The following TUBA1C variants were observed in gnomAD, a reference collection of about 807,000 sequenced individuals.
TUBA1C encodes tubulin alpha 1c.
TUBA1C carries 16 observed loss-of-function variants against 34.9 expected under a neutral mutation model. That is an observed-to-expected ratio of 0.46 (90% CI 0.31 to 0.70). TUBA1C has a LOEUF of 0.70. TUBA1C is among the 30% of genes least tolerant of loss of function. The pLI, the probability that TUBA1C is intolerant of heterozygous loss-of-function variation, is 0.05. For missense variants in TUBA1C, 329 were observed against 587.3 expected (o/e 0.56, Z 4.55); for synonymous variants, 177 against 215.9 (o/e 0.82, Z 1.58).
chr12:49,271,240 G>C (rs1942988563), intron 3 of TUBA1C, among the ~76,000 whole-genome samples: 1 of 152,208 alleles, frequency 6.6e-6, no homozygotes, highest in Non-Finnish European at 1.5e-5. Flanking sequence ...TAAGGGAGCT[G>C]AGTAGAGAAT....
At chr12:49,266,153 C>T (rs1225379410) in intron 1 of TUBA1C, among the ~76,000 whole-genome samples, 1 of 149,584 alleles carries the variant, frequency 6.7e-6, no homozygotes, top group African/African-American at 2.5e-5. Flanking sequence ...CGGCCCGGCG[C>T]GGTGGCTCAC....
chr12:49,264,923 C>CT (rs1192979851), upstream of TUBA1C: 3 of 381,126 alleles, frequency 7.9e-6, no homozygotes, highest in Non-Finnish European at 1.4e-5. Flanking sequence ...TTGAATCCGC[C>CT]AATCAGCGCC....
At chr12:49,262,989 G>A (rs1200713473), upstream of TUBA1C, among the ~76,000 whole-genome samples, 1 of 148,396 alleles carries the variant, frequency 6.7e-6, no homozygotes, top group African/African-American at 2.5e-5. Flanking sequence ...GGATCCCAAT[G>A]CTTAAAATTA....
At chr12:49,235,115 CAA>C (rs550520599) in intron 1 of TUBA1C, among the ~76,000 whole-genome samples, 15 of 84,086 alleles carry the variant, frequency 1.8e-4, no homozygotes, top group African/African-American at 1.6e-4. Flanking sequence ...TGCGCCCGGC[CAA>C]AAAAAAAAAA....
chr12:49,241,760 C>T (rs1256286122), intron 1 of TUBA1C, among the ~76,000 whole-genome samples: 1 of 151,858 alleles, frequency 6.6e-6, no homozygotes, highest in Non-Finnish European at 1.5e-5. Flanking sequence ...AGCAATTCTC[C>T]TGCCTCAGCC....
At chr12:49,270,021 C>A (rs772520246) in intron 3 of TUBA1C, 45 bp downstream of exon 3, 2 of 1,614,200 alleles carry the variant, frequency 1.2e-6, no homozygotes, top group Non-Finnish European at 1.7e-6. Context: ...GTTTCTTTTG[C>A]AGTTCTGAGA....
intron 1 of TUBA1C, among the ~76,000 whole-genome samples, chr12:49,240,976 A>G (rs1942609438): frequency 6.6e-6 from 1 of 152,004 alleles, no homozygotes; most frequent in Non-Finnish European, 1.5e-5. Flanking sequence ...ATCTCAGCTT[A>G]CTGTAATCTC....
chr12:49,264,943 C>G (rs953628599), upstream of TUBA1C: 1 of 431,108 alleles, frequency 2.3e-6, no homozygotes, highest in East Asian at 3.7e-5. Flanking sequence ...CGCGCGCCCC[C>G]ACTCCGCGGG....
Position 49,273,125 on chromosome 12 carries a change from C to T in TUBA1C, c.1248C>T (p.Gly416=), listed in dbSNP as rs188605921. 5.0e-4 allele frequency: 810 copies of T among 1,614,084 alleles called. 8 individuals are homozygous for T. The South Asian group carries it at 5.3e-3, about 10-fold the overall frequency. The stretch of plus-strand genomic sequence containing the variant: ...ACGTGGGTGAGGGGATGGAGGAAGG[C>T]GAGTTTTCAGAGGCCCGTGAGGACA... The part of the protein sequence containing the change: ...HWYVGEGMEE[G]EFSEAREDMA... The change falls in exon 4 of 4, where the codon GGC becomes GGT. Residue 416 remains glycine (G), a synonymous_variant. Transcript: ENST00000301072.
chr12:49,247,190 G>A (rs1439507302), intron 1 of TUBA1C, among the ~76,000 whole-genome samples: 7 of 151,536 alleles, frequency 4.6e-5, no homozygotes, highest in African/African-American at 1.7e-4. Context: ...AAGAAACTAA[G>A]CAGAGAGATC....
intron 1 of TUBA1C, among the ~76,000 whole-genome samples, chr12:49,231,296 T>C (rs1942494205): frequency 6.6e-6 from 1 of 151,554 alleles, no homozygotes; most frequent in Non-Finnish European, 1.5e-5. Flanking sequence ...TCCCAAGGAG[T>C]TGGGACTAAC....
rs1943022715 is a variant in TUBA1C, at chr12:49,273,387, G to A, written c.*160G>A. ...AGTTAAAGTTGGATGTATGAGGCTG[G>A]TAGATGAAACCACCTGAGTCGAGGG... is the stretch of plus-strand genomic sequence containing the variant. On this transcript the variant is annotated 3_prime_UTR_variant, in exon 4 of 4. Transcript: ENST00000301072. 1 of 1,374,948 alleles carries A rather than the reference G, an allele frequency of 7.3e-7. No individual in the cohort carries two copies. Among genetic ancestry groups the A allele is most frequent in the South Asian group, 1.3e-5 (1 of 77,152 alleles). 85.2% of individuals were successfully genotyped at this position (1,374,948 alleles called of 1,614,324 possible).
At chr12:49,269,226 A>AT (rs375929083) in intron 1 of TUBA1C, among the ~76,000 whole-genome samples, 66 of 151,684 alleles carry the variant, frequency 4.4e-4, no homozygotes, top group African/African-American at 1.4e-3. Context: ...TGCCTGGCTA[A>AT]TTTTTTTTGT....
At chr12:49,260,304 C>T (rs1441068697), upstream of TUBA1C, among the ~76,000 whole-genome samples, 3 of 152,014 alleles carry the variant, frequency 2.0e-5, no homozygotes, top group African/African-American at 2.4e-5. Context: ...TCAAAGGAAC[C>T]GGTTCAGTTG....
intron 1 of TUBA1C, among the ~76,000 whole-genome samples, chr12:49,268,067 C>T (rs1038541787): frequency 6.6e-6 from 1 of 152,086 alleles, no homozygotes; most frequent in African/African-American, 2.4e-5. Context: ...TAACTTGGTC[C>T]ACCTCATAAA....
intron 1 of TUBA1C, among the ~76,000 whole-genome samples, chr12:49,230,196 A>C (rs10747564): frequency 0.44 from 66,212 of 151,846 alleles, 16,012 homozygotes; most frequent in East Asian, 0.85. Context: ...TTCCATGCAT[A>C]ATGACTTGTA....
intron 1 of TUBA1C, among the ~76,000 whole-genome samples, chr12:49,254,581 T>C (rs562475194): frequency 2.0e-4 from 31 of 151,670 alleles, no homozygotes; most frequent in Admixed American, 1.4e-3. Context: ...GCAGCTTCTG[T>C]CCTTTGAGTG....
chr12:49,254,711 C>G lies in TUBA1C; in HGVS notation c.214-14754C>G, dbSNP rs184352903. 6.3e-4 allele frequency among the ~76,000 whole-genome samples: 96 copies of G among 152,122 alleles called. 1 individual carries two copies. Among genetic ancestry groups the G allele is most frequent in the Non-Finnish European group, 1.1e-3 (76 of 68,008 alleles). On this transcript the variant is annotated intron_variant, in intron 1 of 3. Transcript: ENST00000541364. ...GGAGGCTTCATCACGTAGGCATGAT[C>G]AGTTTTTAACTCAATCCCTAGTCCT...
At chr12:49,268,261 G>C (rs1942942262) in intron 1 of TUBA1C, among the ~76,000 whole-genome samples, 1 of 152,112 alleles carries the variant, frequency 6.6e-6, no homozygotes, top group Admixed American at 6.5e-5. Flanking sequence ...ACCATGCCTG[G>C]CTAATTCTTG....
Sources: gnomAD v4.1 joint callset for allele counts (sites outside exome capture counted in the v4.1 genomes callset) on GRCh38, gnomAD v4.1.1 for gene constraint, MANE v1.5 for transcripts, NCBI Gene and HGNC (gene_info 2026-07-23, HGNC 2026-07-21) for gene names.